The following SUPT3H variants were observed in gnomAD, a reference collection of about 807,000 sequenced individuals.
SUPT3H encodes SPT3 homolog, SAGA and STAGA complex component, also known as transcription initiation protein SPT3 homolog.
In SUPT3H, 44 loss-of-function variants were observed where a neutral mutation model predicts 44.3. The observed-to-expected ratio is 0.99, with a 90% CI of 0.78 to 1.28. The LOEUF (loss-of-function observed/expected upper bound fraction) is 1.28, where lower values mean the gene tolerates loss of function less well. SUPT3H is among the 50% of genes most tolerant of loss of function. SUPT3H has a pLI of 0.00. For missense variants in SUPT3H, 380 were observed against 387.1 expected (o/e 0.98, Z 0.15); for synonymous variants, 124 against 125.6 (o/e 0.99, Z 0.09).
chr6:45,264,783 A>T (rs1481793267), intron 2 of SUPT3H, among the ~76,000 whole-genome samples: 1 of 152,114 alleles, frequency 6.6e-6, no homozygotes, highest in Non-Finnish European at 1.5e-5. Flanking sequence ...GAGGGAAAGA[A>T]AGAGAAAAGA....
At chr6:44,917,101 C>T (rs1407920837) in intron 10 of SUPT3H, among the ~76,000 whole-genome samples, 1 of 151,988 alleles carries the variant, frequency 6.6e-6, no homozygotes, top group African/African-American at 2.4e-5. Context: ...CTGCAGTGAG[C>T]CAGGGCTGCA....
chr6:45,026,972 T>A (rs1786109750), intron 3 of SUPT3H, among the ~76,000 whole-genome samples: 2 of 150,166 alleles, frequency 1.3e-5, no homozygotes, highest in African/African-American at 4.9e-5. Flanking sequence ...CTTCTACTCT[T>A]CTGCTTTGGA....
intron 2 of SUPT3H, among the ~76,000 whole-genome samples, chr6:45,286,791 A>T (rs1056959740): frequency 1.3e-5 from 2 of 152,194 alleles, no homozygotes; most frequent in African/African-American, 4.8e-5. Flanking sequence ...ACACATGCAC[A>T]CGTATGTTTA....
chr6:45,020,571 A>T lies in SUPT3H; in HGVS notation c.248T>A (p.Leu83His), dbSNP rs1248685557. ...RGARVITPEDLLFLMRKDKKK... is the reference protein window; with the variant it reads ...RGARVITPEDHLFLMRKDKKK... ...CTTATCTTTGCGCATCAAAAACAGA[A>T]GATCTTCAGGAGTGATTACCCTTGC... The change falls in exon 4 of 11, where the codon CTT becomes CAT. Residue 83 changes from leucine (L) to histidine (H), a missense_variant. Leu to His is a moderately conservative substitution (Grantham distance 99). Coordinates refer to ENST00000371459, the MANE Select transcript of SUPT3H (RefSeq NM_003599.4). The T allele has an allele frequency of 6.2e-7, 1 of 1,611,508 alleles. No individual in the cohort carries two copies. The highest frequency in any genetic ancestry group is 2.2e-5 in the East Asian group (1 of 44,768).
intron 2 of SUPT3H, among the ~76,000 whole-genome samples, chr6:45,199,441 A>G (rs1427839522): frequency 6.7e-6 from 1 of 150,090 alleles, no homozygotes; most frequent in Non-Finnish European, 1.5e-5. Context: ...TATTTTTTGC[A>G]TATTTCTTTA....
rs149150835 is a variant in SUPT3H at position 45,311,001 on chromosome 6, C to T, written c.101+54200G>A. On this transcript the variant is annotated intron_variant, in intron 2 of 10. Transcript: ENST00000371459. The stretch of plus-strand genomic sequence containing the variant: ...TAAACAGGGAGGGACCAGAGAAAGG[C>T]GAAGCCCAATGCAAGGAAATCCAAA... Among the ~76,000 whole-genome samples, 966 of 152,252 alleles carry T rather than the reference C, an allele frequency of 6.3e-3. 14 individuals are homozygous for T. Among genetic ancestry groups the T allele is most frequent in the African/African-American group, 0.022 (926 of 41,552 alleles).
Position 45,153,669 on chromosome 6 carries a change from G to A in SUPT3H, c.102-47663C>T, listed in dbSNP as rs575159469. On this transcript the variant is annotated intron_variant, in intron 2 of 10. Transcript: ENST00000371459. ...ATGGATCACTTGAGGTCAGGAGTTC[G>A]AGACCAGCCTGGCCAACATGGTGAA... is the stretch of plus-strand genomic sequence containing the variant. Among the ~76,000 whole-genome samples the A allele has an allele frequency of 7.2e-5, 11 of 152,286 alleles. No individual in the cohort carries two copies. The South Asian group carries it at 1.9e-3, about 26-fold the overall frequency.
chr6:45,176,389 T>G (rs1282044899), intron 2 of SUPT3H, among the ~76,000 whole-genome samples: 2 of 152,060 alleles, frequency 1.3e-5, no homozygotes, highest in East Asian at 3.9e-4. Context: ...CGGCGAACCA[T>G]GAGATTATAT....
intron 2 of SUPT3H, among the ~76,000 whole-genome samples, chr6:45,177,786 T>A (rs1345258454): frequency 6.6e-6 from 1 of 151,998 alleles, no homozygotes; most frequent in Non-Finnish European, 1.5e-5. Flanking sequence ...AAGAAAAGAA[T>A]TTTCAACCCA....
At chr6:44,943,919 C>G (rs1302138329) in intron 9 of SUPT3H, among the ~76,000 whole-genome samples, 1 of 151,888 alleles carries the variant, frequency 6.6e-6, no homozygotes, top group East Asian at 1.9e-4. Flanking sequence ...AAAAATGATA[C>G]AAGAAAACTC....
In SUPT3H at chr6:45,063,277, A is replaced by C. The variant is rs533608210; in HGVS notation, c.186+42645T>G. On this transcript the variant is annotated intron_variant, in intron 3 of 10. Coordinates refer to ENST00000371459, the MANE Select transcript of SUPT3H (RefSeq NM_003599.4). ...TGTCTGTTAGAAGGAAAACTAACAAACAGAAAGGACATCCACACCGAAAAC... is the reference window on the plus strand; with the variant it reads ...TGTCTGTTAGAAGGAAAACTAACAACCAGAAAGGACATCCACACCGAAAAC... 6.3e-3 allele frequency among the ~76,000 whole-genome samples: 923 copies of C among 147,632 alleles called. 6 individuals carry two copies. The highest frequency in any genetic ancestry group is 0.01 in the Non-Finnish European group (667 of 66,674).
intron 2 of SUPT3H, among the ~76,000 whole-genome samples, chr6:45,226,110 T>C (rs988387503): frequency 1.3e-5 from 2 of 152,198 alleles, no homozygotes; most frequent in Non-Finnish European, 2.9e-5. Context: ...CCTTTACATT[T>C]ATCAGTGAAT....
chr6:45,060,022 A>G (rs953093835), intron 3 of SUPT3H, among the ~76,000 whole-genome samples: 1 of 152,180 alleles, frequency 6.6e-6, no homozygotes, highest in African/African-American at 2.4e-5. Context: ...CATAGTACCC[A>G]AAGTAATTTA....
chr6:45,359,844 G>C (rs1160771792), intron 2 of SUPT3H, among the ~76,000 whole-genome samples: 9 of 152,110 alleles, frequency 5.9e-5, no homozygotes, highest in Non-Finnish European at 1.0e-4. Context: ...AGAAGTTCAA[G>C]ACCAGCCTGG....
downstream of SUPT3H, among the ~76,000 whole-genome samples, chr6:44,825,984 A>G (rs1169739605): frequency 2.0e-5 from 3 of 152,232 alleles, no homozygotes; most frequent in Non-Finnish European, 4.4e-5. Flanking sequence ...TTCAATTGCC[A>G]AAACTTCCAT....
chr6:45,128,970 G>A (rs2153583049), intron 2 of SUPT3H, among the ~76,000 whole-genome samples: 1 of 152,242 alleles, frequency 6.6e-6, no homozygotes, highest in African/African-American at 2.4e-5. Context: ...ACAGGCATGG[G>A]CCACCACGCC....
rs866302700 is a variant in SUPT3H at position 44,948,707 on chromosome 6, C to G, written c.801+4603G>C. Among the ~76,000 whole-genome samples the G allele has an allele frequency of 7.7e-3, 1,169 of 152,046 alleles. 20 individuals carry two copies. The highest frequency in any genetic ancestry group is 0.026 in the African/African-American group (1,072 of 41,466). On this transcript the variant is annotated intron_variant, in intron 9 of 10. Coordinates refer to ENST00000371459, the MANE Select transcript of SUPT3H (RefSeq NM_003599.4). ...CACAATGAGATACCATCTCACACCACTTAGAATGGCAATCATTAAAAAGTC... is the reference window on the plus strand; with the variant it reads ...CACAATGAGATACCATCTCACACCAGTTAGAATGGCAATCATTAAAAAGTC...
intron 2 of SUPT3H, among the ~76,000 whole-genome samples, chr6:45,342,906 T>C (rs188251595): frequency 8.5e-5 from 13 of 152,288 alleles, no homozygotes; most frequent in East Asian, 1.9e-4. Context: ...TAGAATGTCA[T>C]GGAAACACAA....
chr6:44,971,242 C>T (rs1433422432), intron 6 of SUPT3H, among the ~76,000 whole-genome samples: 3 of 152,200 alleles, frequency 2.0e-5, no homozygotes, highest in Non-Finnish European at 4.4e-5. Context: ...AAACCACTTT[C>T]ATCACCTTCT....
Sources: allele counts gnomAD v4.1 joint callset (sites outside exome capture counted in the v4.1 genomes callset), GRCh38; gene constraint gnomAD v4.1.1; transcripts MANE v1.5; gene names NCBI Gene and HGNC (gene_info 2026-07-23, HGNC 2026-07-21).